The following MARCHF1 variants were observed in gnomAD, a reference collection of about 807,000 sequenced individuals.
MARCHF1 encodes the protein membrane associated ring-CH-type finger 1, also known as E3 ubiquitin-protein ligase MARCHF1.
In MARCHF1, 40 loss-of-function variants were observed where a neutral mutation model predicts 54.2. The observed-to-expected ratio is 0.74, with a 90% confidence interval of 0.57 to 0.96. The LOEUF is 0.96. Among genes scored for constraint, MARCHF1 ranks in the 40% least tolerant of loss-of-function variants. The pLI is 0.00. For synonymous variants in MARCHF1, 236 were observed against 236.3 expected (o/e 1.00, Z 0.01); for missense variants, 586 against 656.5 (o/e 0.89, Z 1.17).
chr4:163,533,240 G>A lies in MARCHF1; in HGVS notation c.1340-4194C>T, dbSNP rs189976382. On this transcript the variant is annotated intron_variant, in intron 9 of 9. Coordinates refer to ENST00000514618, the MANE Select transcript of MARCHF1 (RefSeq NM_001394959.1). ...CTTAAATGTATATTGCTAAATAAAAGAGGTCAGTCTGAAAAAGCTACATAC... is the reference window on the plus strand; with the variant it reads ...CTTAAATGTATATTGCTAAATAAAAAAGGTCAGTCTGAAAAAGCTACATAC... Among the ~76,000 whole-genome samples, 754 of 152,010 alleles carry A rather than the reference G, an allele frequency of 5.0e-3. 8 individuals are homozygous for A. The highest frequency in any genetic ancestry group is 0.017 in the African/African-American group (704 of 41,520).
intron 1 of MARCHF1, among the ~76,000 whole-genome samples, chr4:164,124,751 G>A (rs1756144484): frequency 6.6e-6 from 1 of 152,124 alleles, no homozygotes; most frequent in Admixed American, 6.5e-5. Flanking sequence ...TGGACACAGA[G>A]AGTAGAAGGA....
intron 1 of MARCHF1, chr4:164,189,820 A>T (rs1365936695): frequency 6.3e-7 from 1 of 1,591,134 alleles, no homozygotes; most frequent in East Asian, 2.2e-5. Context: ...GGTACATTTG[A>T]TCTGACTGGA....
chr4:164,213,741 GTTA>G (rs1284783446), intron 1 of MARCHF1, among the ~76,000 whole-genome samples: 3 of 151,764 alleles, frequency 2.0e-5, no homozygotes, highest in South Asian at 2.1e-4. Flanking sequence ...ATCTTCAAAT[GTTA>G]TTTTTTGTCT....
intron 5 of MARCHF1, among the ~76,000 whole-genome samples, chr4:163,614,784 CA>C (rs1188263068): frequency 2.0e-5 from 3 of 151,966 alleles, no homozygotes; most frequent in African/African-American, 7.3e-5. Context: ...GAGATTTATG[CA>C]AATTATACTG....
At chr4:164,162,583 T>A (rs1430768155) in intron 1 of MARCHF1, among the ~76,000 whole-genome samples, 1 of 152,140 alleles carries the variant, frequency 6.6e-6, no homozygotes, top group Non-Finnish European at 1.5e-5. Flanking sequence ...CAGAGGTCAT[T>A]GACACAGTCC....
At chr4:164,147,008 G>T (rs555802272) in intron 1 of MARCHF1, among the ~76,000 whole-genome samples, 9 of 151,726 alleles carry the variant, frequency 5.9e-5, no homozygotes, top group Non-Finnish European at 1.0e-4. Context: ...CAAAAAGTGG[G>T]CAAAGGACAT....
chr4:163,975,084 C>T (rs1752621849), intron 3 of MARCHF1, among the ~76,000 whole-genome samples: 1 of 151,788 alleles, frequency 6.6e-6, no homozygotes, highest in Non-Finnish European at 1.5e-5. Context: ...CTCATACCAT[C>T]AACTTTCCTT....
intron 3 of MARCHF1, among the ~76,000 whole-genome samples, chr4:163,904,763 A>AGAGAGAGACAGAGAC (rs374872263): frequency 2.5e-4 from 38 of 151,584 alleles, no homozygotes; most frequent in Non-Finnish European, 3.4e-4. Context: ...AGGAGAGAGA[A>AGAGAGAGACAGAGAC]AGAGACAGAG....
intron 4 of MARCHF1, among the ~76,000 whole-genome samples, chr4:163,765,052 A>G (rs867437913): frequency 6.6e-6 from 1 of 152,062 alleles, no homozygotes; most frequent in African/African-American, 2.4e-5. Context: ...AAATATTATA[A>G]ATCAGTGTGC....
chr4:163,564,529 T>G (rs1739580875), intron 8 of MARCHF1, among the ~76,000 whole-genome samples: 1 of 152,182 alleles, frequency 6.6e-6, no homozygotes, highest in African/African-American at 2.4e-5. Context: ...AATCATGAAA[T>G]GAAATGTGGC....
intron 2 of MARCHF1, among the ~76,000 whole-genome samples, chr4:164,001,490 C>A (rs1044826537): frequency 6.6e-6 from 1 of 151,714 alleles, no homozygotes; most frequent in African/African-American, 2.4e-5. Flanking sequence ...TTTTTTCACA[C>A]TGTATGCAAC....
intron 4 of MARCHF1, among the ~76,000 whole-genome samples, chr4:163,721,307 T>C (rs995297871): frequency 2.0e-5 from 3 of 152,206 alleles, no homozygotes; most frequent in Non-Finnish European, 4.4e-5. Flanking sequence ...TTGTCTTTGG[T>C]TCTGTTTATA....
intron 1 of MARCHF1, among the ~76,000 whole-genome samples, chr4:164,171,705 A>G (rs1051981786): frequency 6.6e-6 from 1 of 152,180 alleles, no homozygotes; most frequent in African/African-American, 2.4e-5. Flanking sequence ...ACTTATCATC[A>G]AGGTCCTCAG....
At chr4:164,254,535 T>G (rs1204514871) in intron 1 of MARCHF1, among the ~76,000 whole-genome samples, 1 of 151,790 alleles carries the variant, frequency 6.6e-6, no homozygotes, top group African/African-American at 2.4e-5. Flanking sequence ...AACTCCCATA[T>G]GTATGAAGTT....
chr4:163,713,470 C>T (rs1745167786), intron 4 of MARCHF1, among the ~76,000 whole-genome samples: 1 of 152,130 alleles, frequency 6.6e-6, no homozygotes, highest in Non-Finnish European at 1.5e-5. Context: ...ACAGTCCTCT[C>T]AATGTTGCTG....
chr4:163,887,888 G>T (rs1391721289), intron 3 of MARCHF1, among the ~76,000 whole-genome samples: 2 of 152,004 alleles, frequency 1.3e-5, no homozygotes, highest in African/African-American at 4.8e-5. Flanking sequence ...TCTTCTTAGG[G>T]GCAATAACTC....
At chr4:163,675,692 C>T (rs1167003530) in intron 5 of MARCHF1, among the ~76,000 whole-genome samples, 2 of 151,940 alleles carry the variant, frequency 1.3e-5, no homozygotes, top group Non-Finnish European at 2.9e-5. Context: ...TGATTTGTTC[C>T]CATCTTACTT....
chr4:163,805,856 C>T (rs1748212289), intron 4 of MARCHF1, among the ~76,000 whole-genome samples: 1 of 152,198 alleles, frequency 6.6e-6, no homozygotes, highest in African/African-American at 2.4e-5. Context: ...TTCTCTTGTT[C>T]TCTTACCTTT....
rs1419888758 is a variant in MARCHF1, at chr4:163,548,689, GACT to G, written c.1192-2949_1192-2947del. ...AATGCCACAGTGCCCTCTTCCTAAC[GACT>G]ACATTACTGCATGCAATATTCAGTA... On this transcript the variant is annotated intron_variant, in intron 8 of 9. Transcript: ENST00000514618. 3.3e-5 allele frequency among the ~76,000 whole-genome samples: 5 copies of G among 152,292 alleles called. No individual in the cohort carries two copies. In the East Asian group the frequency reaches 7.7e-4, roughly 23 times the overall value.
Sources: allele counts gnomAD v4.1 joint callset (sites outside exome capture counted in the v4.1 genomes callset), GRCh38; gene constraint gnomAD v4.1.1; transcripts MANE v1.5; gene names NCBI Gene and HGNC (gene_info 2026-07-23, HGNC 2026-07-21).